Variants in SLC4A5 observed in about 807,000 individuals in gnomAD.
SLC4A5 encodes electrogenic sodium bicarbonate cotransporter 4.
SLC4A5 carries 96 observed loss-of-function variants against 120.4 expected under a neutral mutation model. That is an observed-to-expected ratio of 0.80 (90% CI 0.68 to 0.94). SLC4A5 has a LOEUF of 0.94. Among genes scored for constraint, SLC4A5 ranks in the 40% least tolerant of loss-of-function variants. The probability of loss-of-function intolerance (pLI) is 0.00; values close to 1 mark genes in which losing one functional copy is unlikely to be tolerated. For synonymous variants in SLC4A5, 550 were observed against 571.1 expected, an observed-to-expected ratio of 0.96 and a Z score of 0.53; for missense variants, 1,259 against 1,459.5, an observed-to-expected ratio of 0.86 and a Z score of 2.24.
intron 19 of SLC4A5, among the ~76,000 whole-genome samples, chr2:74,242,714 G>A (rs984494443): frequency 1.3e-5 from 2 of 152,148 alleles, no homozygotes; most frequent in African/African-American, 2.4e-5. Context: ...GTGCAGTGGC[G>A]TGATCTTAGC....
chr2:74,224,984 G>A (rs1694791967), exon 28 of SLC4A5: 1 of 1,613,906 alleles, frequency 6.2e-7, no homozygotes, highest in Non-Finnish European at 8.5e-7. Flanking sequence ...GAACGATGAT[G>A]AGGCCCAGGA....
intron 2 of SLC4A5, among the ~76,000 whole-genome samples, chr2:74,340,839 C>CT (rs1673607318): frequency 6.6e-6 from 1 of 152,286 alleles, no homozygotes; most frequent in African/African-American, 2.4e-5. Context: ...GGCCTCTGTT[C>CT]TTTAGCAGCA....
At chr2:74,285,646 GCTGGGAGGGTCT>G in intron 8 of SLC4A5, 115 bp downstream of exon 8, 1 of 1,096,140 alleles carries the variant, frequency 9.1e-7, no homozygotes, top group Admixed American at 2.6e-5. Flanking sequence ...AAGGAAGGCA[GCTGGGAGGGTCT>G]TTGTGGACCA....
chr2:74,259,722 A>AT, intron 11 of SLC4A5, 79 bp from the exon 12 acceptor site: 1 of 1,377,266 alleles, frequency 7.3e-7, no homozygotes, highest in South Asian at 1.2e-5. Flanking sequence ...CTACTCATGT[A>AT]CCTCTCCCAT....
chr2:74,327,364 T>C (rs765150144), intron 5 of SLC4A5, among the ~76,000 whole-genome samples: 27 of 152,106 alleles, frequency 1.8e-4, no homozygotes, highest in Non-Finnish European at 2.2e-4. Flanking sequence ...CCCAAGGGCT[T>C]ATCTGGGATT....
At chr2:74,226,038 G>T (rs1291776020) in intron 27 of SLC4A5, among the ~76,000 whole-genome samples, 1 of 152,158 alleles carries the variant, frequency 6.6e-6, no homozygotes, top group Non-Finnish European at 1.5e-5. Context: ...GGCACTGGGG[G>T]GAGGATCTAT....
chr2:74,284,162 CTTTTTTTTTTTTT>C (rs1182761794), intron 8 of SLC4A5, among the ~76,000 whole-genome samples: 2 of 81,106 alleles, frequency 2.5e-5, no homozygotes, highest in Non-Finnish European at 4.1e-5. Flanking sequence ...TTCCTTATTT[CTTTTTTTTTTTTT>C]TTTTTTTTTT....
chr2:74,287,902 C>G (rs1672034620), intron 7 of SLC4A5, among the ~76,000 whole-genome samples: 1 of 152,126 alleles, frequency 6.6e-6, no homozygotes, highest in Non-Finnish European at 1.5e-5. Flanking sequence ...CTCCTTAGCT[C>G]TCCTGCTTGC....
intron 6 of SLC4A5, 58 bp downstream of exon 6, chr2:74,314,887 A>T: frequency 6.8e-7 from 1 of 1,464,392 alleles, no homozygotes; most frequent in Non-Finnish European, 9.6e-7. Context: ...TCATAAAGAC[A>T]TTCAGAGAAT....
chr2:74,219,477 G>C (rs1367055475), intron 30 of SLC4A5, among the ~76,000 whole-genome samples: 1 of 152,112 alleles, frequency 6.6e-6, no homozygotes, highest in East Asian at 1.9e-4. Flanking sequence ...TGTTAAACCA[G>C]ATCATGTTGC....
At chr2:74,242,498 A>C (rs528660835) in intron 19 of SLC4A5, among the ~76,000 whole-genome samples, 9 of 152,304 alleles carry the variant, frequency 5.9e-5, no homozygotes, top group African/African-American at 2.2e-4. Flanking sequence ...AAGTATGCCC[A>C]CTTTACAGAT....
Position 74,255,562 on chromosome 2 carries a change from G to A in SLC4A5, c.1025+213C>T, listed in dbSNP as rs193199783. On this transcript the variant is annotated intron_variant, in intron 13 of 30. Transcript: ENST00000394019. The surrounding 1 kb of genome is among the most constrained non-coding windows in gnomAD (Gnocchi z 4.0). ...CCCACCTTGGCATCCCAAAGTGCTG[G>A]GATTACAGGCGTGAGCCACCGCACC... 6.6e-6 allele frequency among the ~76,000 whole-genome samples: 1 copy of A among 152,194 alleles called. No homozygotes were observed. The highest frequency in any genetic ancestry group is 6.5e-5 in the Admixed American group (1 of 15,274).
intron 5 of SLC4A5, among the ~76,000 whole-genome samples, chr2:74,315,386 G>C (rs937519887): frequency 6.7e-6 from 1 of 149,660 alleles, no homozygotes; most frequent in African/African-American, 2.5e-5. Context: ...GTTGCAATGA[G>C]CTGAGATTGC....
At chr2:74,235,911 C>T (rs1224876402) in intron 21 of SLC4A5, among the ~76,000 whole-genome samples, 3 of 152,176 alleles carry the variant, frequency 2.0e-5, no homozygotes, top group African/African-American at 7.2e-5. Context: ...GACAGATGGT[C>T]CCCCAACGTC....
At chr2:74,259,601 G>T in exon 12 of SLC4A5, 1 of 1,614,164 alleles carries the variant, frequency 6.2e-7, no homozygotes, top group South Asian at 1.1e-5. Flanking sequence ...GTCTGTGTTT[G>T]GGGTGAGAGA....
At chr2:74,316,767 A>T (rs572992906) in intron 5 of SLC4A5, among the ~76,000 whole-genome samples, 3 of 152,346 alleles carry the variant, frequency 2.0e-5, no homozygotes, top group Non-Finnish European at 2.9e-5. Flanking sequence ...GCAGATGCTG[A>T]CTAACCAACC....
intron 19 of SLC4A5, among the ~76,000 whole-genome samples, chr2:74,244,760 C>T (rs750377028): frequency 9.9e-5 from 15 of 152,110 alleles, no homozygotes; most frequent in Non-Finnish European, 2.2e-4. Flanking sequence ...GTTTCCGATT[C>T]AGCAGGTCTG....
chr2:74,293,889 T>C (rs1283001834), intron 7 of SLC4A5, among the ~76,000 whole-genome samples: 1 of 152,196 alleles, frequency 6.6e-6, no homozygotes, highest in Non-Finnish European at 1.5e-5. Context: ...GTAAAGGTTA[T>C]AAAAGAATGT....
intron 8 of SLC4A5, among the ~76,000 whole-genome samples, chr2:74,273,206 G>A (rs1671531391): frequency 1.3e-5 from 2 of 152,296 alleles, no homozygotes; most frequent in South Asian, 4.1e-4. Flanking sequence ...AAAATCTGGA[G>A]AATATACATA....
Sources: allele counts gnomAD v4.1 joint callset (sites outside exome capture counted in the v4.1 genomes callset), GRCh38; gene constraint gnomAD v4.1.1; non-coding constraint Gnocchi (gnomAD v3.1); transcripts MANE v1.5; gene names NCBI Gene and HGNC (gene_info 2026-07-23, HGNC 2026-07-21).